ABLIM2: variants seen among roughly 807,000 people sequenced by gnomAD.
ABLIM2 encodes the protein actin-binding LIM protein 2.
Under a neutral mutation model 97.7 loss-of-function variants are expected in ABLIM2, and 53 were observed. The observed-to-expected ratio is 0.54, with a 90% CI of 0.44 to 0.68. ABLIM2 has a LOEUF of 0.68. ABLIM2 is among the 30% of genes least tolerant of loss of function. ABLIM2 has a pLI of 0.00. For missense variants in ABLIM2, 835 were observed against 867.2 expected (o/e 0.96, Z 0.47); for synonymous variants, 361 against 345.8 (o/e 1.04, Z -0.49).
rs141379683 is a variant in ABLIM2, at chr4:8,069,866, C to T, written c.675+7762G>A. ...GCCGTGTGTGTTTTCTGTGTGTCTG[C>T]GTTGTCGATGTCTGTGTCCCTGTGT... is the stretch of plus-strand genomic sequence containing the variant. On this transcript the variant is annotated intron_variant, in intron 6 of 20. Transcript: ENST00000447017. This position sits in a 1 kb window ranked among gnomAD's most constrained non-coding sequence, Gnocchi z 4.2. 4.3e-3 allele frequency among the ~76,000 whole-genome samples: 651 copies of T among 151,428 alleles called. 2 individuals are homozygous for T. The highest frequency in any genetic ancestry group is 0.015 in the African/African-American group (634 of 41,268).
rs776250088 is a variant in ABLIM2, at chr4:8,020,300, C to T, written c.1271G>A (p.Ser424Asn). The T allele has an allele frequency of 6.2e-7, 1 of 1,613,570 alleles. No homozygotes were observed. The highest frequency in any genetic ancestry group is 8.5e-7 in the Non-Finnish European group (1 of 1,179,730). The change falls in exon 13 of 21, where the codon AGT (serine) becomes AAT (asparagine). Residue 424 changes from serine to asparagine, a missense_variant. By Grantham distance (46) the Ser-to-Asn change is conservative. Transcript: ENST00000447017. Reference protein sequence around the residue: ...RHHYIPYFRGSESGRSTPSLS... With the variant: ...RHHYIPYFRGNESGRSTPSLS... ...GCTGGGGGTGCTCCGGCCACTTTCA[C>T]TGCCTCCAGACGGAAGGGCAAAGGC...
intron 20 of ABLIM2, among the ~76,000 whole-genome samples, chr4:7,968,306 A>G (rs1724664216): frequency 1.3e-5 from 2 of 152,232 alleles, no homozygotes; most frequent in Admixed American, 1.3e-4. Context: ...CAGTTATCAT[A>G]TGCCCCAGCC....
In ABLIM2 at chr4:7,998,437, A is replaced by T. The variant is rs115319119; in HGVS notation, c.1619-5510T>A. On this transcript the variant is annotated intron_variant, in intron 16 of 20. Coordinates refer to ENST00000447017, the MANE Select transcript of ABLIM2 (RefSeq NM_001130083.2). This position sits in a 1 kb window ranked among gnomAD's most constrained non-coding sequence, Gnocchi z 6.4. ...CTGAAGTGCTATTCTGGTCTGCTAA[A>T]TTCACCTGGAGCTGCCGGTCTGCCC... Among the ~76,000 whole-genome samples the T allele has an allele frequency of 2.8e-3, 423 of 149,744 alleles. 2 individuals carry two copies. Among genetic ancestry groups the T allele is most frequent in the African/African-American group, 9.9e-3 (401 of 40,552 alleles).
chr4:8,106,394 C>T, intron 2 of ABLIM2, 100 bp downstream of exon 2: 1 of 1,492,136 alleles, frequency 6.7e-7, no homozygotes, highest in Non-Finnish European at 9.1e-7. Context: ...TCCAGTATCC[C>T]AGGCCCAGGC....
Position 7,983,156 on chromosome 4 carries a change from G to A in ABLIM2, c.1824+108C>T, listed in dbSNP as rs1329468987. The stretch of plus-strand genomic sequence containing the variant: ...CTGCATCACGGCAAGGCTCTGCACT[G>A]TCCCCCACGGTGGCCCCTTGGGCAA... On this transcript the variant is annotated intron_variant, in intron 20 of 20. Coordinates refer to ENST00000447017, the MANE Select transcript of ABLIM2 (RefSeq NM_001130083.2). 4 of 1,157,986 alleles carry A rather than the reference G, an allele frequency of 3.5e-6. No homozygotes were observed. The African/African-American group carries it at 4.6e-5, about 13-fold the overall frequency. 71.7% of individuals were successfully genotyped at this position (1,157,986 alleles called of 1,614,324 possible). A position where few individuals can be genotyped will look rare whatever the true frequency, so the allele number is the denominator to read the frequency against.
chr4:8,157,781 G>A (rs897829637), intron 1 of ABLIM2, among the ~76,000 whole-genome samples: 3 of 152,242 alleles, frequency 2.0e-5, no homozygotes, highest in South Asian at 2.1e-4. Flanking sequence ...TCGAATCCCC[G>A]CCCCCCCTTC....
At chr4:7,993,998 G>A (rs927372686) in intron 16 of ABLIM2, 2 of 489,688 alleles carry the variant, frequency 4.1e-6, no homozygotes, top group African/African-American at 2.0e-5. Context: ...CTGGCTCAGA[G>A]GTGGTGTGGT....
rs140221710 is a variant in ABLIM2, at chr4:8,130,246, G to T, written c.11-23609C>A. Among the ~76,000 whole-genome samples, 12 of 152,352 alleles carry T rather than the reference G, an allele frequency of 7.9e-5. No individual in the cohort carries two copies. The East Asian group carries it at 2.3e-3, about 29-fold the overall frequency. On this transcript the variant is annotated intron_variant, in intron 1 of 20. Transcript: ENST00000447017. This position sits in a 1 kb window ranked among gnomAD's most constrained non-coding sequence, Gnocchi z 4.2. ...GACGCAGGGTGGCCAGGGTGGTGCT[G>T]GATGGCTGAGGCCCGGCCGCATCTG...
At position 8,087,268 on chromosome 4, in the gene ABLIM2, T is replaced by G. The variant is rs1824296560; in HGVS notation, c.454+901A>C. Among the ~76,000 whole-genome samples the G allele has an allele frequency of 6.6e-6, 1 of 152,096 alleles. No homozygotes were observed. Reference sequence around the variant, plus strand: ...CTGGGCTTCCCTCCCAGAGCCTGTGTGCCATCTCATGATCCGGCAGAGCCA... The same window carrying G: ...CTGGGCTTCCCTCCCAGAGCCTGTGGGCCATCTCATGATCCGGCAGAGCCA... On this transcript the variant is annotated intron_variant, in intron 4 of 20. Transcript: ENST00000447017. The surrounding 1 kb of genome is among the most constrained non-coding windows in gnomAD (Gnocchi z 4.6).
chr4:8,149,456 CA>C lies in ABLIM2; in HGVS notation c.10+9223del, dbSNP rs1376659965. On this transcript the variant is annotated intron_variant, in intron 1 of 20. Coordinates refer to ENST00000447017, the MANE Select transcript of ABLIM2 (RefSeq NM_001130083.2). The surrounding 1 kb of genome is among the most constrained non-coding windows in gnomAD (Gnocchi z 6.4). ...GCTGCAGAGCAGGCAGGAGCAGGCA[CA>C]AATCTCCACAGGAAACCCCAGCTTG... Among the ~76,000 whole-genome samples, 3 of 151,792 alleles carry C rather than the reference CA, an allele frequency of 2.0e-5. No homozygotes were observed. The highest frequency in any genetic ancestry group is 4.4e-5 in the Non-Finnish European group (3 of 67,974).
At chr4:8,118,622 C>T (rs1435980402) in intron 1 of ABLIM2, among the ~76,000 whole-genome samples, 1 of 152,192 alleles carries the variant, frequency 6.6e-6, no homozygotes, top group Non-Finnish European at 1.5e-5. Flanking sequence ...TAAACCAGCA[C>T]TCTAAGCCTG....
rs1849219063 is a variant in ABLIM2, at chr4:8,130,586, C to T, written c.11-23949G>A. Among the ~76,000 whole-genome samples, 1 of 152,046 alleles carries T rather than the reference C, an allele frequency of 6.6e-6. No homozygotes were observed. The highest frequency in any genetic ancestry group is 1.5e-5 in the Non-Finnish European group (1 of 68,006). ...CGCATTACTGGGACTTGAAGGGAGG[C>T]AGCCTGGCCCGAGTCCAGGGTGTGC... is the stretch of plus-strand genomic sequence containing the variant. On this transcript the variant is annotated intron_variant, in intron 1 of 20. Transcript: ENST00000447017. The surrounding 1 kb of genome is among the most constrained non-coding windows in gnomAD (Gnocchi z 4.2).
intron 6 of ABLIM2, among the ~76,000 whole-genome samples, 157 bp downstream of exon 6, chr4:8,077,471 G>A (rs967785524): frequency 3.3e-5 from 5 of 152,214 alleles, no homozygotes; most frequent in African/African-American, 7.2e-5. Flanking sequence ...CTGGACAGCT[G>A]ATGAGGGTGT....
chr4:8,019,580 C>A lies in ABLIM2; in HGVS notation c.1423+38G>T. 6.3e-7 allele frequency: 1 copy of A among 1,582,438 alleles called. No individual in the cohort carries two copies. Among genetic ancestry groups the A allele is most frequent in the Non-Finnish European group, 8.6e-7 (1 of 1,161,130 alleles). On this transcript the variant is annotated intron_variant, in intron 14 of 20. Transcript: ENST00000447017. This position sits in a 1 kb window ranked among gnomAD's most constrained non-coding sequence, Gnocchi z 4.3. ...AAGCAGATGGGTATTGACAGGCATG[C>A]GGGGCAAACCACAGCAGCGGGAGGA...
chr4:8,115,530 C>A (rs1371851514), intron 1 of ABLIM2, among the ~76,000 whole-genome samples: 4 of 152,192 alleles, frequency 2.6e-5, no homozygotes, highest in Admixed American at 2.6e-4. Context: ...CCCGCAACCA[C>A]CTTCCCCTCA....
intron 1 of ABLIM2, among the ~76,000 whole-genome samples, chr4:8,119,139 A>T (rs943030404): frequency 1.3e-5 from 2 of 151,852 alleles, no homozygotes; most frequent in Admixed American, 6.6e-5. Context: ...CTGTCCCAGG[A>T]CACTTTTGTC....
intron 16 of ABLIM2, chr4:8,007,399 A>T: frequency 5.1e-6 from 5 of 985,456 alleles, no homozygotes; most frequent in Non-Finnish European, 6.0e-6. Flanking sequence ...GCCTTGCCCA[A>T]TGAAAACTGC....
Position 8,140,135 on chromosome 4 carries a change from T to C in ABLIM2, c.10+18545A>G, listed in dbSNP as rs1401579949. ...GGGGGAGGGAGAGCATCAGGATAAA[T>C]AGCTAATGCACGCAGGGCTCAATAC... On this transcript the variant is annotated intron_variant, in intron 1 of 20. Coordinates refer to ENST00000447017, the MANE Select transcript of ABLIM2 (RefSeq NM_001130083.2). This position sits in a 1 kb window ranked among gnomAD's most constrained non-coding sequence, Gnocchi z 5.9. Among the ~76,000 whole-genome samples, 6 of 148,712 alleles carry C rather than the reference T, an allele frequency of 4.0e-5. No individual in the cohort carries two copies. Among genetic ancestry groups the C allele is most frequent in the Non-Finnish European group, 7.4e-5 (5 of 67,136 alleles).
chr4:8,009,235 T>C, intron 14 of ABLIM2, 133 bp from the exon 15 acceptor site: 4 of 1,082,346 alleles, frequency 3.7e-6, no homozygotes, highest in South Asian at 2.8e-5. Context: ...ACGAGTGCCT[T>C]TCAAAGGGCA....
Sources: allele counts gnomAD v4.1 joint callset (sites outside exome capture counted in the v4.1 genomes callset), GRCh38; gene constraint gnomAD v4.1.1; non-coding constraint Gnocchi (gnomAD v3.1); transcripts MANE v1.5; gene names NCBI Gene and HGNC (gene_info 2026-07-23, HGNC 2026-07-21).